The following CPT1A variants were observed in gnomAD, a reference collection of about 807,000 sequenced individuals.
The protein encoded by CPT1A is carnitine palmitoyltransferase 1A, also known as carnitine O-palmitoyltransferase 1, liver isoform.
A neutral mutation model predicts 100.8 loss-of-function variants in CPT1A; 64 were observed. The observed-to-expected ratio is 0.63, with a 90% CI of 0.52 to 0.78. The LOEUF (loss-of-function observed/expected upper bound fraction) is 0.78, where lower values mean the gene tolerates loss of function less well. CPT1A is among the 30% of genes least tolerant of loss of function. The pLI, the probability that CPT1A is intolerant of heterozygous loss-of-function variation, is 0.00. For missense variants in CPT1A, 802 were observed against 1,034.1 expected, an observed-to-expected ratio of 0.78 and a Z score of 3.08; for synonymous variants, 363 against 396.0, an observed-to-expected ratio of 0.92 and a Z score of 0.99.
At chr11:68,780,129 T>G (rs1178470558) in intron 12 of CPT1A, among the ~76,000 whole-genome samples, 3 of 152,212 alleles carry the variant, frequency 2.0e-5, no homozygotes, top group African/African-American at 7.2e-5. Context: ...GATGCACTGC[T>G]GTTCAAGGGA....
intron 7 of CPT1A, among the ~76,000 whole-genome samples, chr11:68,795,888 G>T (rs535224202): frequency 6.7e-6 from 1 of 148,246 alleles, no homozygotes. Flanking sequence ...CAGCCTCAGC[G>T]ACAGAGCAAG....
rs370051824 is a variant in CPT1A at position 68,784,876 on chromosome 11, C to T, written c.1102G>A (p.Asp368Asn). Residue 368 changes from aspartate (D) to asparagine (N), a missense_variant, in exon 10 of 19, where the codon GAC becomes AAC. Transcript: ENST00000265641. ...EMEQQMQRIL[D>N]NTSEPQPGEA... ...CCGGGCTGAGGCTCCGAGGTATTGT[C>T]CAGGATCCTCTGCATCTGCTGCTCC... The T allele has an allele frequency of 1.2e-6, 2 of 1,613,832 alleles. No individual in the cohort carries two copies. The highest frequency in any genetic ancestry group is 1.3e-5 in the African/African-American group (1 of 74,938).
chr11:68,839,512 C>T (rs1007480777), intron 1 of CPT1A: 65 of 985,374 alleles, frequency 6.6e-5, no homozygotes, highest in Non-Finnish European at 7.5e-5. Context: ...GCGCGCGTCC[C>T]TGTGGCCACC....
At position 68,773,650 on chromosome 11, in the gene CPT1A, A is replaced by C. The variant is rs1855058357; in HGVS notation, c.1576-221T>G. The C allele has an allele frequency of 4.6e-6, 3 of 659,078 alleles. No individual in the cohort carries two copies. In the South Asian group the frequency reaches 5.7e-5, roughly 12 times the overall value. 40.8% of individuals were successfully genotyped at this position (659,078 alleles called of 1,614,324 possible). A position where few individuals can be genotyped will look rare whatever the true frequency, so the allele number is the denominator to read the frequency against. On this transcript the variant is annotated intron_variant, in intron 13 of 18. Coordinates refer to ENST00000265641, the MANE Select transcript of CPT1A (RefSeq NM_001876.4). ...TATAGCAGGTAGCGGGTCTGACATG[A>C]GCAGGCCAGGAGAGGGCTTCCTCCG...
rs1471743915 is a variant in CPT1A at position 68,762,642 on chromosome 11, C to T, written c.1860G>A (p.Val620=). 1 of 1,613,764 alleles carries T rather than the reference C, an allele frequency of 6.2e-7. No individual in the cohort carries two copies. Among genetic ancestry groups the T allele is most frequent in the Admixed American group, 1.7e-5 (1 of 60,016 alleles). The change falls in exon 15 of 19, where the codon GTG becomes GTA. Residue 620 remains valine, a synonymous_variant. Coordinates refer to ENST00000265641, the MANE Select transcript of CPT1A (RefSeq NM_001876.4). ...GGCACATTACCGTCTGGGCCGGGTC[C>T]ACCATGGCCCGCACGAAGTCGCATG... The part of the protein sequence containing the change: ...TESCDFVRAM[V]DPAQTVEQRL...
intron 8 of CPT1A, among the ~76,000 whole-genome samples, chr11:68,794,140 A>G (rs755188510): frequency 9.9e-5 from 15 of 152,228 alleles, no homozygotes; most frequent in Non-Finnish European, 1.9e-4. Context: ...ACATCTCAGA[A>G]TAATTAGGCT....
intron 5 of CPT1A, among the ~76,000 whole-genome samples, chr11:68,801,097 A>T (rs1855893832): frequency 6.6e-6 from 1 of 152,136 alleles, no homozygotes; most frequent in Non-Finnish European, 1.5e-5. Flanking sequence ...CAAGAGAGTG[A>T]GACTCTGTCT....
chr11:68,779,182 G>A (rs569868029), intron 12 of CPT1A, among the ~76,000 whole-genome samples: 2 of 152,084 alleles, frequency 1.3e-5, no homozygotes, highest in Non-Finnish European at 1.5e-5. Flanking sequence ...TCCCACACAC[G>A]CCGTGACTTT....
chr11:68,796,950 C>T lies in CPT1A; in HGVS notation c.694-17G>A, dbSNP rs1266108334. The stretch of plus-strand genomic sequence containing the variant: ...GTCGCTCACCTAGTGGGCGCAAACA[C>T]CAGACAAACCCGCAGGCTCAGCAGG... On this transcript the variant is annotated splice_polypyrimidine_tract_variant and intron_variant, in intron 6 of 18. Transcript: ENST00000265641. 2.5e-6 allele frequency: 4 copies of T among 1,613,304 alleles called. No homozygotes were observed. The highest frequency in any genetic ancestry group is 1.7e-5 in the Admixed American group (1 of 59,950).
At chr11:68,823,380 A>G (rs1856635946) in intron 1 of CPT1A, among the ~76,000 whole-genome samples, 1 of 152,216 alleles carries the variant, frequency 6.6e-6, no homozygotes, top group African/African-American at 2.4e-5. Context: ...CTATGCACCT[A>G]ACCATTCTCT....
intron 9 of CPT1A, among the ~76,000 whole-genome samples, chr11:68,789,459 C>T (rs553886138): frequency 3.3e-5 from 5 of 151,624 alleles, no homozygotes; most frequent in Admixed American, 6.6e-5. Context: ...TGCAGTGGTG[C>T]GATCTCAGCT....
intron 5 of CPT1A, among the ~76,000 whole-genome samples, chr11:68,800,221 C>T (rs548549253): frequency 6.6e-6 from 1 of 152,166 alleles, no homozygotes; most frequent in Non-Finnish European, 1.5e-5. Context: ...TTCCAGCCCC[C>T]ACCCCGCCTC....
intron 1 of CPT1A, among the ~76,000 whole-genome samples, chr11:68,822,505 C>T (rs1268125233): frequency 6.6e-6 from 1 of 151,830 alleles, no homozygotes; most frequent in Non-Finnish European, 1.5e-5. Context: ...TGCACTCCAG[C>T]CTGGGCAACA....
intron 1 of CPT1A, among the ~76,000 whole-genome samples, chr11:68,831,852 C>T (rs895513927): frequency 1.3e-5 from 2 of 151,530 alleles, no homozygotes; most frequent in African/African-American, 4.8e-5. Context: ...AGGCTGGTCT[C>T]GAACTCCTGA....
At chr11:68,838,362 A>G (rs1271697881) in intron 1 of CPT1A, among the ~76,000 whole-genome samples, 1 of 151,980 alleles carries the variant, frequency 6.6e-6, no homozygotes, top group Non-Finnish European at 1.5e-5. Flanking sequence ...TCCAACCTTC[A>G]CCTGACATTT....
intron 1 of CPT1A, among the ~76,000 whole-genome samples, chr11:68,823,111 G>A (rs182801903): frequency 6.6e-6 from 1 of 152,128 alleles, no homozygotes; most frequent in East Asian, 1.9e-4. Flanking sequence ...TTAGATGGGT[G>A]CGGTGATGTG....
At chr11:68,829,100 T>C (rs911182445) in intron 1 of CPT1A, among the ~76,000 whole-genome samples, 1 of 152,148 alleles carries the variant, frequency 6.6e-6, no homozygotes, top group Non-Finnish European at 1.5e-5. Flanking sequence ...GGGTTTCTCT[T>C]ACTGAGAACG....
chr11:68,764,334 G>T (rs774423470), intron 14 of CPT1A, among the ~76,000 whole-genome samples: 4 of 152,208 alleles, frequency 2.6e-5, no homozygotes, highest in Non-Finnish European at 4.4e-5. Context: ...GCACATTAGT[G>T]TGCACCCTGG....
chr11:68,799,323 T>C lies in CPT1A; in HGVS notation c.588A>G (p.Glu196=), dbSNP rs772625735. 5.6e-6 allele frequency: 9 copies of C among 1,613,960 alleles called. No individual in the cohort carries two copies. The highest frequency in any genetic ancestry group is 6.8e-6 in the Non-Finnish European group (8 of 1,179,944). The change falls in exon 6 of 19, where the codon GAA becomes GAG. Residue 196 remains glutamate, a synonymous_variant. Coordinates refer to ENST00000265641, the MANE Select transcript of CPT1A (RefSeq NM_001876.4). ...YLQSVRPLMK[E]EDFKRMTALA... ...GTGCTGTCATCCGTTTGAAGTCTTC[T>C]TCCTTCATAAGAGGCCTCACCGACT...
Sources: gnomAD v4.1 joint callset for allele counts (sites outside exome capture counted in the v4.1 genomes callset) on GRCh38, gnomAD v4.1.1 for gene constraint, MANE v1.5 for transcripts, NCBI Gene and HGNC (gene_info 2026-07-23, HGNC 2026-07-21) for gene names.